Variants in RB1 observed in about 807,000 individuals in gnomAD.
RB1 encodes RB transcriptional corepressor 1.
RB1 carries 18 observed loss-of-function variants against 135.4 expected under a neutral mutation model. The observed-to-expected ratio is 0.13, with a 90% CI of 0.09 to 0.20. The LOEUF (loss-of-function observed/expected upper bound fraction) is 0.20, where lower values mean the gene tolerates loss of function less well. Ranked by LOEUF, RB1 falls within the 10% of genes least tolerant of loss-of-function variation. The pLI is 1.00. For synonymous variants in RB1, 365 were observed against 373.2 expected (o/e 0.98, Z 0.25); for missense variants, 868 against 1,110.0 (o/e 0.78, Z 3.10).
intron 17 of RB1, chr13:48,416,314 C>T (rs117687990): frequency 0.035 from 5,401 of 152,374 alleles, 126 homozygotes; most frequent in Middle Eastern, 0.078. Context: ...TCGCCTTACA[C>T]GGGAAGTGCA....
intron 17 of RB1, among the ~76,000 whole-genome samples, chr13:48,392,768 T>C (rs1001431095): frequency 4.6e-5 from 7 of 151,764 alleles, no homozygotes; most frequent in African/African-American, 1.5e-4. Context: ...CTCTCTCTCT[T>C]TTTTTTAAGA....
chr13:48,362,649 AT>A (rs1952653842), intron 7 of RB1, among the ~76,000 whole-genome samples, 165 bp from the exon 8 acceptor site: 1 of 152,176 alleles, frequency 6.6e-6, no homozygotes, highest in Non-Finnish European at 1.5e-5. Context: ...TTAGTACATA[AT>A]TTGTAGTAGA....
chr13:48,347,403 C>T (rs1007008154), intron 4 of RB1, among the ~76,000 whole-genome samples: 1 of 152,072 alleles, frequency 6.6e-6, no homozygotes, highest in Non-Finnish European at 1.5e-5. Context: ...TAATCTTGGG[C>T]TTTGCCCTGC....
intron 20 of RB1, among the ~76,000 whole-genome samples, chr13:48,460,112 G>A (rs925254440): frequency 6.6e-6 from 1 of 151,002 alleles, no homozygotes; most frequent in Admixed American, 6.6e-5. Flanking sequence ...TAGGATTACA[G>A]GCGTGTACCA....
At chr13:48,441,267 G>C (rs566380106) in intron 17 of RB1, among the ~76,000 whole-genome samples, 1 of 152,174 alleles carries the variant, frequency 6.6e-6, no homozygotes, top group East Asian at 1.9e-4. Flanking sequence ...CTTTTATAAG[G>C]GTACTAATCA....
At chr13:48,309,036 C>G (rs1239717140) in intron 2 of RB1, among the ~76,000 whole-genome samples, 3 of 151,784 alleles carry the variant, frequency 2.0e-5, no homozygotes. Flanking sequence ...TGGGTTTTTT[C>G]CAACTTTTTG....
chr13:48,450,393 A>G (rs762257170), intron 17 of RB1, among the ~76,000 whole-genome samples: 63 of 151,872 alleles, frequency 4.1e-4, no homozygotes, highest in Non-Finnish European at 9.1e-4. Context: ...TAGGGAATTT[A>G]TTTAGGACCA....
intron 2 of RB1, chr13:48,318,921 C>A: frequency 8.5e-7 from 1 of 1,180,546 alleles, no homozygotes. Context: ...CTACTGTCGC[C>A]GTCAGAGCGG....
chr13:48,400,278 C>G (rs1255448182), intron 17 of RB1, among the ~76,000 whole-genome samples: 3 of 152,074 alleles, frequency 2.0e-5, no homozygotes, highest in African/African-American at 7.2e-5. Context: ...TGTATTAACT[C>G]ATAACTTCTC....
At chr13:48,332,646 T>C (rs145029887) in intron 2 of RB1, among the ~76,000 whole-genome samples, 50 of 152,352 alleles carry the variant, frequency 3.3e-4, no homozygotes, top group African/African-American at 1.2e-3. Context: ...TGATTATAGT[T>C]AATAATAATG....
rs555175983 is a variant in RB1, at chr13:48,401,102, A to C, written c.1695+19659A>C. Among the ~76,000 whole-genome samples, 125 of 152,208 alleles carry C rather than the reference A, an allele frequency of 8.2e-4. 1 individual carries two copies. Among genetic ancestry groups the C allele is most frequent in the South Asian group, 6.6e-3 (32 of 4,822 alleles). ...ATGAATCATGTCAGTAATTACCCTG[A>C]GGGTGGTGTTAGTTCACTATTCAAG... On this transcript the variant is annotated intron_variant, in intron 17 of 26. Coordinates refer to ENST00000267163, the MANE Select transcript of RB1 (RefSeq NM_000321.3).
At chr13:48,465,608 G>C in intron 23 of RB1, among the ~76,000 whole-genome samples, 1 of 151,892 alleles carries the variant, frequency 6.6e-6, no homozygotes, top group Non-Finnish European at 1.5e-5. Context: ...CGTGAGCGAC[G>C]CAGAAGACGG....
At chr13:48,379,333 G>A (rs1008749043) in intron 13 of RB1, among the ~76,000 whole-genome samples, 2 of 151,942 alleles carry the variant, frequency 1.3e-5, no homozygotes, top group Non-Finnish European at 2.9e-5. Flanking sequence ...TTGTCTTGGC[G>A]GCCATATTTG....
At chr13:48,335,584 A>G (rs1952376579) in intron 2 of RB1, among the ~76,000 whole-genome samples, 1 of 150,940 alleles carries the variant, frequency 6.6e-6, no homozygotes, top group Non-Finnish European at 1.5e-5. Context: ...TGTTGAAAAT[A>G]TGTTTGTTGA....
intron 17 of RB1, among the ~76,000 whole-genome samples, chr13:48,446,907 G>A (rs1949291716): frequency 6.6e-6 from 1 of 152,182 alleles, no homozygotes; most frequent in African/African-American, 2.4e-5. Context: ...AGGGTTTTGA[G>A]TGTGGAGGTG....
At chr13:48,304,616 C>T (rs1041203751) in intron 1 of RB1, among the ~76,000 whole-genome samples, 3 of 152,078 alleles carry the variant, frequency 2.0e-5, no homozygotes, top group African/African-American at 7.2e-5. Flanking sequence ...AGGAGCTTTG[C>T]GGCGTTTCCT....
chr13:48,454,816 G>A (rs1365927251), intron 18 of RB1, among the ~76,000 whole-genome samples: 2 of 152,346 alleles, frequency 1.3e-5, no homozygotes, highest in African/African-American at 4.8e-5. Flanking sequence ...AAGTGCAGTG[G>A]CTGTAGGGCA....
At chr13:48,415,085 T>C (rs553301203) in intron 17 of RB1, among the ~76,000 whole-genome samples, 4 of 152,284 alleles carry the variant, frequency 2.6e-5, no homozygotes, top group Admixed American at 2.6e-4. Flanking sequence ...TCATCTTTAA[T>C]TAATGAAATA....
At chr13:48,317,675 T>A (rs1952198064) in intron 2 of RB1, 2 of 538,080 alleles carry the variant, frequency 3.7e-6, no homozygotes, top group Non-Finnish European at 5.7e-6. Flanking sequence ...CTGGTGCTCC[T>A]GGGCGGTGCC....
Sources: allele counts gnomAD v4.1 joint callset (sites outside exome capture counted in the v4.1 genomes callset), GRCh38; gene constraint gnomAD v4.1.1; transcripts MANE v1.5; gene names NCBI Gene and HGNC (gene_info 2026-07-23, HGNC 2026-07-21).